Variants in BMERB1 observed in about 807,000 individuals in gnomAD.
BMERB1 encodes the protein bMERB domain-containing protein 1.
In BMERB1, 12 loss-of-function variants were observed where a neutral mutation model predicts 23.6. The observed-to-expected ratio is 0.51, with a 90% CI of 0.33 to 0.82. The LOEUF (loss-of-function observed/expected upper bound fraction) is 0.82. Among genes scored for constraint, BMERB1 ranks in the 40% least tolerant of loss-of-function variants. The pLI is 0.03. For missense variants in BMERB1, 247 were observed against 255.4 expected, an observed-to-expected ratio of 0.97 and a Z score of 0.22; for synonymous variants, 122 against 96.6, an observed-to-expected ratio of 1.26 and a Z score of -1.54.
intron 2 of BMERB1, among the ~76,000 whole-genome samples, chr16:15,548,801 TCTG>T (rs1166584438): frequency 3.3e-5 from 5 of 152,216 alleles, no homozygotes; most frequent in African/African-American, 9.6e-5. Flanking sequence ...CAAAAGCTTA[TCTG>T]CTTCTGCTGG....
rs111724819 is a variant in BMERB1, at chr16:15,483,308, G to A, written c.107-31997G>A. Among the ~76,000 whole-genome samples, 388 of 152,294 alleles carry A rather than the reference G, an allele frequency of 2.5e-3. 2 individuals carry two copies. The highest frequency in any genetic ancestry group is 8.8e-3 in the African/African-American group (367 of 41,558). On this transcript the variant is annotated intron_variant, in intron 1 of 5. Transcript: ENST00000300006. Reference sequence around the variant, plus strand: ...ATACATTCTTCTAAAGAAATGTTCTGTGTTTCTATGCTCTTCCCTCTACTA... The same window carrying A: ...ATACATTCTTCTAAAGAAATGTTCTATGTTTCTATGCTCTTCCCTCTACTA...
intron 1 of BMERB1, among the ~76,000 whole-genome samples, chr16:15,500,374 G>A (rs1013637581): frequency 3.3e-5 from 5 of 152,180 alleles, no homozygotes; most frequent in South Asian, 2.1e-4. Context: ...CAGGTTGAAC[G>A]TGCTGAGGCC....
At chr16:15,450,444 A>T (rs1309657942) in intron 1 of BMERB1, among the ~76,000 whole-genome samples, 1 of 152,158 alleles carries the variant, frequency 6.6e-6, no homozygotes, top group African/African-American at 2.4e-5. Context: ...CTAGACAAAT[A>T]ATAGGCATGT....
intron 1 of BMERB1, among the ~76,000 whole-genome samples, chr16:15,470,386 T>C: frequency 6.6e-6 from 1 of 152,168 alleles, no homozygotes; most frequent in Non-Finnish European, 1.5e-5. Flanking sequence ...TTTTTAGTAT[T>C]TTGTTGAAAA....
intron 2 of BMERB1, among the ~76,000 whole-genome samples, chr16:15,558,840 C>G (rs1004582442): frequency 6.7e-6 from 1 of 149,706 alleles, no homozygotes; most frequent in Admixed American, 6.7e-5. Context: ...GGTTAGCGTT[C>G]GGTTTCGCCA....
At chr16:15,445,370 A>AACAGGT (rs2050980380) in intron 1 of BMERB1, among the ~76,000 whole-genome samples, 1 of 152,174 alleles carries the variant, frequency 6.6e-6, no homozygotes, top group African/African-American at 2.4e-5. Context: ...CAGCTATGGC[A>AACAGGT]ACAGGTACAT....
chr16:15,492,632 A>C (rs765129520), intron 1 of BMERB1, among the ~76,000 whole-genome samples: 1 of 152,146 alleles, frequency 6.6e-6, no homozygotes, highest in Non-Finnish European at 1.5e-5. Context: ...AGTGATGAGA[A>C]TGGTGGCCGG....
intron 3 of BMERB1, among the ~76,000 whole-genome samples, chr16:15,569,793 G>A (rs1288281857): frequency 6.6e-6 from 1 of 152,178 alleles, no homozygotes; most frequent in Admixed American, 6.5e-5. Flanking sequence ...ATCTGCAGGA[G>A]TAATTGGGGA....
intron 5 of BMERB1, among the ~76,000 whole-genome samples, chr16:15,585,101 G>T (rs1226778004): frequency 6.6e-6 from 1 of 152,218 alleles, no homozygotes; most frequent in Non-Finnish European, 1.5e-5. Context: ...GATGGTTGGA[G>T]GGAGTAAGGA....
intron 1 of BMERB1, among the ~76,000 whole-genome samples, chr16:15,471,615 CTCTG>C (rs763802866): frequency 9.9e-5 from 15 of 152,270 alleles, no homozygotes; most frequent in South Asian, 2.1e-4. Flanking sequence ...CACTCTCTCT[CTCTG>C]TCTGTCTCTT....
intron 1 of BMERB1, among the ~76,000 whole-genome samples, chr16:15,474,969 G>A (rs2051262878): frequency 6.6e-6 from 1 of 152,116 alleles, no homozygotes; most frequent in South Asian, 2.1e-4. Flanking sequence ...TTTCAGGTGT[G>A]AGCCACCGCA....
At chr16:15,491,416 A>G (rs1295614061) in intron 1 of BMERB1, among the ~76,000 whole-genome samples, 1 of 150,308 alleles carries the variant, frequency 6.7e-6, no homozygotes, top group African/African-American at 2.5e-5. Context: ...TGCAATGGTG[A>G]GATCTTGGCT....
chr16:15,494,626 G>C (rs753420078), intron 1 of BMERB1, among the ~76,000 whole-genome samples: 12 of 152,078 alleles, frequency 7.9e-5, no homozygotes, highest in Non-Finnish European at 1.8e-4. Context: ...TGCCTTAGAC[G>C]GAGTTTGCTT....
chr16:15,462,182 C>T (rs970627752), intron 1 of BMERB1, among the ~76,000 whole-genome samples: 11 of 118,226 alleles, frequency 9.3e-5, no homozygotes, highest in South Asian at 3.0e-4. Flanking sequence ...GGTGGAGCGT[C>T]GCACTGTTGC....
intron 1 of BMERB1, among the ~76,000 whole-genome samples, chr16:15,472,919 A>G (rs1004323696): frequency 1.4e-5 from 2 of 145,228 alleles, no homozygotes; most frequent in African/African-American, 2.6e-5. Flanking sequence ...GTGCAGTGGC[A>G]TGATGACTTG....
chr16:15,454,490 C>A (rs980736440), intron 1 of BMERB1, among the ~76,000 whole-genome samples: 23 of 152,102 alleles, frequency 1.5e-4, no homozygotes, highest in African/African-American at 4.3e-4. Context: ...GACACAGAGG[C>A]GATTAAAATG....
At chr16:15,541,423 GTTTTT>G (rs869249451) in intron 2 of BMERB1, among the ~76,000 whole-genome samples, 1 of 92,128 alleles carries the variant, frequency 1.1e-5, no homozygotes. Flanking sequence ...CCGCCGAATT[GTTTTT>G]TTTTTTTTTT....
intron 1 of BMERB1, among the ~76,000 whole-genome samples, chr16:15,485,543 A>AT (rs2051361185): frequency 6.6e-6 from 1 of 152,128 alleles, no homozygotes; most frequent in East Asian, 1.9e-4. Flanking sequence ...ACCCTGAGAA[A>AT]TGGGACTTAG....
chr16:15,460,244 A>G (rs1246016452), intron 1 of BMERB1, among the ~76,000 whole-genome samples: 1 of 152,222 alleles, frequency 6.6e-6, no homozygotes. Context: ...TATGAGGACT[A>G]AATGACCCTA....
Sources: allele counts gnomAD v4.1 joint callset (sites outside exome capture counted in the v4.1 genomes callset), GRCh38; gene constraint gnomAD v4.1.1; transcripts MANE v1.5; gene names NCBI Gene and HGNC (gene_info 2026-07-23, HGNC 2026-07-21).